Variants in ZDHHC17 observed in about 807,000 individuals in gnomAD.
ZDHHC17 encodes palmitoyltransferase ZDHHC17.
In ZDHHC17, 40 loss-of-function variants were observed where a neutral mutation model predicts 90.3. The ratio of observed to expected loss-of-function variants is 0.44; its 90% confidence interval spans 0.34 to 0.58. The LOEUF (loss-of-function observed/expected upper bound fraction) is 0.58. ZDHHC17 is among the 20% of genes least tolerant of loss of function. The probability of loss-of-function intolerance (pLI) is 0.01; values close to 1 mark genes in which losing one functional copy is unlikely to be tolerated. For missense variants in ZDHHC17, 614 were observed against 780.8 expected, an observed-to-expected ratio of 0.79 and a Z score of 2.55; for synonymous variants, 235 against 252.4, an observed-to-expected ratio of 0.93 and a Z score of 0.65.
In ZDHHC17 at chr12:76,846,317, A is replaced by G. The variant is rs955202629; in HGVS notation, c.1424-279A>G. The G allele has an allele frequency of 1.1e-5, 4 of 354,182 alleles. No individual in the cohort carries two copies. In the Admixed American group the frequency reaches 1.7e-4, roughly 15 times the overall value. The allele number at this position is 354,182 out of a possible 1,614,324, so 21.9% of individuals were successfully genotyped here. A position where few individuals can be genotyped will look rare whatever the true frequency, so the allele number is the denominator to read the frequency against. On this transcript the variant is annotated intron_variant, in intron 13 of 16. Coordinates refer to ENST00000426126, the MANE Select transcript of ZDHHC17 (RefSeq NM_015336.4). Reference sequence around the variant, plus strand: ...TAAAGATAAAATAGGGCTATTTTAAACCTCACAAAGAATAGGATTAGAGGT... The same window carrying G: ...TAAAGATAAAATAGGGCTATTTTAAGCCTCACAAAGAATAGGATTAGAGGT...
chr12:76,841,452 CTAGTA>C (rs1367788583), intron 10 of ZDHHC17, among the ~76,000 whole-genome samples: 3 of 151,808 alleles, frequency 2.0e-5, no homozygotes, highest in Admixed American at 1.3e-4. Flanking sequence ...TTATAAATGC[CTAGTA>C]TATTTCTTAC....
rs112221224 is a variant in ZDHHC17 at position 76,794,167 on chromosome 12, G to C, written c.94-3267G>C. Among the ~76,000 whole-genome samples, 1,313 of 152,214 alleles carry C rather than the reference G, an allele frequency of 8.6e-3. 26 individuals are homozygous for C. Among genetic ancestry groups the C allele is most frequent in the African/African-American group, 0.031 (1,274 of 41,496 alleles). ...CCCAAAGTGCTGAGATTACAGGCGT[G>C]AGCCACTGCACCCGGCCAAATTACA... On this transcript the variant is annotated intron_variant, in intron 1 of 16. Coordinates refer to ENST00000426126, the MANE Select transcript of ZDHHC17 (RefSeq NM_015336.4).
rs138679334 is a variant in ZDHHC17 at position 76,837,002 on chromosome 12, A to G, written c.1142-4980A>G. Among the ~76,000 whole-genome samples, 101 of 152,324 alleles carry G rather than the reference A, an allele frequency of 6.6e-4. 3 individuals are homozygous for G. Among genetic ancestry groups the G allele is most frequent in the Admixed American group, 2.0e-4 (3 of 15,298 alleles). On this transcript the variant is annotated intron_variant, in intron 10 of 16. Coordinates refer to ENST00000426126, the MANE Select transcript of ZDHHC17 (RefSeq NM_015336.4). ...TCGACATGTCTCTTGCAAATAGCATATAGGAATAAGCAAATCCTGAAGAGT... is the reference window on the plus strand; with the variant it reads ...TCGACATGTCTCTTGCAAATAGCATGTAGGAATAAGCAAATCCTGAAGAGT...
chr12:76,786,085 G>A (rs1952681301), intron 1 of ZDHHC17, among the ~76,000 whole-genome samples: 1 of 151,458 alleles, frequency 6.6e-6, no homozygotes, highest in South Asian at 2.1e-4. Context: ...AAGAATCAAG[G>A]GGGAATTAGT....
intron 2 of ZDHHC17, among the ~76,000 whole-genome samples, chr12:76,799,031 G>C (rs9669015): frequency 0.45 from 67,784 of 152,002 alleles, 15,487 homozygotes; most frequent in East Asian, 0.65. Flanking sequence ...CAGCTACTCG[G>C]AAGGCTGAGG....
At chr12:76,843,425 G>C (rs4483638) in intron 12 of ZDHHC17, among the ~76,000 whole-genome samples, 1 of 151,940 alleles carries the variant, frequency 6.6e-6, no homozygotes, top group African/African-American at 2.4e-5. Context: ...TGAGTAGGTG[G>C]TTTTTTTTGT....
At chr12:76,834,228 A>G (rs1451439940) in intron 10 of ZDHHC17, among the ~76,000 whole-genome samples, 1 of 152,122 alleles carries the variant, frequency 6.6e-6, no homozygotes, top group Non-Finnish European at 1.5e-5. Flanking sequence ...TTCTCTGACT[A>G]TGCTTCTTTT....
intron 8 of ZDHHC17, among the ~76,000 whole-genome samples, chr12:76,826,298 C>T (rs1192128337): frequency 6.6e-6 from 1 of 152,128 alleles, no homozygotes; most frequent in Non-Finnish European, 1.5e-5. Flanking sequence ...CAAGTATGGA[C>T]TTTAACAACC....
chr12:76,833,419 T>C (rs1210557059), intron 10 of ZDHHC17, among the ~76,000 whole-genome samples: 2 of 152,184 alleles, frequency 1.3e-5, no homozygotes, highest in African/African-American at 4.8e-5. Flanking sequence ...AATGTCCTTA[T>C]ATTATACTCT....
chr12:76,764,144 A>G lies in ZDHHC17; in HGVS notation c.-93A>G, dbSNP rs114354873. 10 of 973,026 alleles carry G rather than the reference A, an allele frequency of 1.0e-5. No individual in the cohort carries two copies. The highest frequency in any genetic ancestry group is 1.5e-5 in the Non-Finnish European group (10 of 662,828). The allele number at this position is 973,026 out of a possible 1,614,324, so 60.3% of individuals were successfully genotyped here. A position where few individuals can be genotyped will look rare whatever the true frequency, so the allele number is the denominator to read the frequency against. On this transcript the variant is annotated 5_prime_UTR_variant, in exon 1 of 17. Transcript: ENST00000426126. ...CGGGGGCAGGAGAAGAAGGAGGAGG[A>G]GGCCCGCGTCGCCTCCGGCGGGGCT...
At position 76,817,359 on chromosome 12, in the gene ZDHHC17, G is replaced by A. The variant is rs188127014; in HGVS notation, c.771+1340G>A. Among the ~76,000 whole-genome samples, 99 of 151,868 alleles carry A rather than the reference G, an allele frequency of 6.5e-4. 1 individual carries two copies. The highest frequency in any genetic ancestry group is 2.1e-3 in the African/African-American group (86 of 41,458). On this transcript the variant is annotated intron_variant, in intron 7 of 16. Coordinates refer to ENST00000426126, the MANE Select transcript of ZDHHC17 (RefSeq NM_015336.4). ...AGTGTTACTACTTTTTTTTATCTTT[G>A]CTACCAGACAGCCATTCCTAAGGTG...
intron 1 of ZDHHC17, among the ~76,000 whole-genome samples, chr12:76,780,109 A>G (rs1480439999): frequency 6.6e-6 from 1 of 152,062 alleles, no homozygotes; most frequent in Non-Finnish European, 1.5e-5. Context: ...CATCTCTTTC[A>G]AAATTGTTTT....
At chr12:76,770,582 C>T (rs904413695) in intron 1 of ZDHHC17, among the ~76,000 whole-genome samples, 3 of 152,174 alleles carry the variant, frequency 2.0e-5, no homozygotes, top group Non-Finnish European at 4.4e-5. Context: ...CTCCTTTCCT[C>T]CTAGAGAGGG....
chr12:76,806,996 C>A (rs1952962815), intron 3 of ZDHHC17, among the ~76,000 whole-genome samples: 1 of 152,188 alleles, frequency 6.6e-6, no homozygotes, highest in Admixed American at 6.5e-5. Flanking sequence ...GGTAAAGGTG[C>A]ACTAAACGTA....
chr12:76,821,231 A>G, intron 7 of ZDHHC17: 1 of 887,422 alleles, frequency 1.1e-6, no homozygotes, highest in Non-Finnish European at 1.5e-6. Flanking sequence ...ATTTTGGAAT[A>G]GGTAAGGCAA....
In ZDHHC17 at chr12:76,796,406, T is replaced by C. The variant is rs1364293510; in HGVS notation, c.94-1028T>C. ...TAGTGCTATGTTATATTGAGGAAATTGACTATATATACCAAATTTTGTATT... is the reference window on the plus strand; with the variant it reads ...TAGTGCTATGTTATATTGAGGAAATCGACTATATATACCAAATTTTGTATT... On this transcript the variant is annotated intron_variant, in intron 1 of 16. Transcript: ENST00000426126. Among the ~76,000 whole-genome samples the C allele has an allele frequency of 2.0e-5, 3 of 152,154 alleles. No individual in the cohort carries two copies. The South Asian group carries it at 6.2e-4, about 31-fold the overall frequency.
chr12:76,846,523 C>T, intron 13 of ZDHHC17, 73 bp from the exon 14 acceptor site: 1 of 1,071,774 alleles, frequency 9.3e-7, no homozygotes, highest in Non-Finnish European at 1.4e-6. Flanking sequence ...CCTTTCATGG[C>T]ATACCCCTCA....
At chr12:76,813,974 A>G (rs1953054598) in intron 5 of ZDHHC17, among the ~76,000 whole-genome samples, 1 of 152,088 alleles carries the variant, frequency 6.6e-6, no homozygotes, top group Non-Finnish European at 1.5e-5. Flanking sequence ...TAGATAGATA[A>G]GCATGTCTTT....
chr12:76,850,604 A>G (rs992395000), intron 16 of ZDHHC17, among the ~76,000 whole-genome samples: 3 of 152,198 alleles, frequency 2.0e-5, no homozygotes, highest in African/African-American at 7.2e-5. Flanking sequence ...GCACATTTGA[A>G]TAAATTTAAA....
Sources: allele counts gnomAD v4.1 joint callset (sites outside exome capture counted in the v4.1 genomes callset), GRCh38; gene constraint gnomAD v4.1.1; transcripts MANE v1.5; gene names NCBI Gene and HGNC (gene_info 2026-07-23, HGNC 2026-07-21).